CADM1: variants seen among roughly 807,000 people sequenced by gnomAD.
CADM1 encodes TSLC-1.
CADM1 carries 15 observed loss-of-function variants against 53.1 expected under a neutral mutation model. The observed-to-expected ratio is 0.28, with a 90% CI of 0.19 to 0.44. The LOEUF (loss-of-function observed/expected upper bound fraction) is 0.44, where lower values mean the gene tolerates loss of function less well. CADM1 is among the 20% of genes least tolerant of loss of function. The probability of loss-of-function intolerance (pLI) is 1.00; values close to 1 mark genes in which losing one functional copy is unlikely to be tolerated. For missense variants in CADM1, 434 were observed against 611.3 expected (o/e 0.71, Z 3.06); for synonymous variants, 281 against 243.0 (o/e 1.16, Z -1.45).
At chr11:115,337,512 A>G (rs1283899404) in intron 1 of CADM1, among the ~76,000 whole-genome samples, 3 of 151,990 alleles carry the variant, frequency 2.0e-5, no homozygotes, top group Non-Finnish European at 2.9e-5. Flanking sequence ...CCTGCCTTCT[A>G]TATTTCTATT....
chr11:115,504,201 C>A, intron 1 of CADM1, 70 bp downstream of exon 1: 1 of 1,549,630 alleles, frequency 6.5e-7, no homozygotes, highest in Non-Finnish European at 8.7e-7. Flanking sequence ...AACGTTTCCC[C>A]CCTCTGTGGC....
At chr11:115,325,287 C>G (rs1463743186) in intron 1 of CADM1, among the ~76,000 whole-genome samples, 2 of 152,100 alleles carry the variant, frequency 1.3e-5, no homozygotes, top group East Asian at 1.9e-4. Context: ...TCTAGGAGCA[C>G]GTCCCAGACG....
chr11:115,300,434 A>G (rs1181402997), intron 1 of CADM1, among the ~76,000 whole-genome samples: 1 of 152,174 alleles, frequency 6.6e-6, no homozygotes, highest in Admixed American at 6.5e-5. Flanking sequence ...CTGCCTTGAG[A>G]AAGATAAAAT....
intron 1 of CADM1, among the ~76,000 whole-genome samples, chr11:115,364,809 A>C (rs1465233043): frequency 1.3e-5 from 2 of 152,224 alleles, no homozygotes; most frequent in Non-Finnish European, 2.9e-5. Flanking sequence ...CACATACATA[A>C]TATATGTACA....
intron 1 of CADM1, among the ~76,000 whole-genome samples, chr11:115,376,405 A>G (rs1565395043): frequency 6.6e-6 from 1 of 152,134 alleles, no homozygotes; most frequent in East Asian, 1.9e-4. Flanking sequence ...TGATGAGAAA[A>G]TTTTTTAAGA....
chr11:115,356,631 T>G (rs547293988), intron 1 of CADM1, among the ~76,000 whole-genome samples: 26 of 152,316 alleles, frequency 1.7e-4, no homozygotes, highest in African/African-American at 6.0e-4. Context: ...ACATTTCAAG[T>G]ATTTGTTTAA....
At chr11:115,494,504 T>C (rs111228759) in intron 1 of CADM1, among the ~76,000 whole-genome samples, 379 of 152,258 alleles carry the variant, frequency 2.5e-3, no homozygotes, top group Non-Finnish European at 4.3e-3. Flanking sequence ...ATTATAATCA[T>C]TGTCAGTTTC....
chr11:115,369,083 G>C (rs1003964131), intron 1 of CADM1, among the ~76,000 whole-genome samples: 9 of 110,740 alleles, frequency 8.1e-5, no homozygotes, highest in African/African-American at 2.8e-4. Flanking sequence ...TTTGTTAGAT[G>C]AATCCTAAAA....
At chr11:115,441,842 C>T (rs1464353373) in intron 1 of CADM1, among the ~76,000 whole-genome samples, 3 of 151,982 alleles carry the variant, frequency 2.0e-5, no homozygotes, top group Non-Finnish European at 4.4e-5. Context: ...ATCCTAACAG[C>T]TATACCTATA....
At chr11:115,456,310 CA>C (rs145245879) in intron 1 of CADM1, among the ~76,000 whole-genome samples, 75 of 143,690 alleles carry the variant, frequency 5.2e-4, no homozygotes, top group East Asian at 4.0e-3. Flanking sequence ...GACACTGATA[CA>C]AAAAAAAAAC....
At chr11:115,456,614 A>G (rs1452713740) in intron 1 of CADM1, among the ~76,000 whole-genome samples, 5 of 152,162 alleles carry the variant, frequency 3.3e-5, no homozygotes, top group Non-Finnish European at 5.9e-5. Context: ...TTACAGTAGA[A>G]AGAGCACTGG....
intron 1 of CADM1, among the ~76,000 whole-genome samples, chr11:115,412,311 C>CA (rs1220610583): frequency 6.6e-6 from 1 of 152,158 alleles, no homozygotes; most frequent in East Asian, 1.9e-4. Flanking sequence ...CCTTCCACCT[C>CA]AACCTCCCAA....
intron 1 of CADM1, among the ~76,000 whole-genome samples, chr11:115,373,608 A>G (rs1946365882): frequency 9.8e-6 from 1 of 101,630 alleles, no homozygotes; most frequent in African/African-American, 3.0e-5. Flanking sequence ...AAAAAAAAAA[A>G]GAAGAAGAAG....
intron 5 of CADM1, among the ~76,000 whole-genome samples, chr11:115,228,021 C>A (rs1941677519): frequency 6.6e-6 from 1 of 152,174 alleles, no homozygotes; most frequent in Non-Finnish European, 1.5e-5. Flanking sequence ...AGCCCTACAT[C>A]CAATGACAAG....
rs531193814 is a variant in CADM1, at chr11:115,358,142, C to T, written c.125-117722G>A. Among the ~76,000 whole-genome samples, 5 of 152,272 alleles carry T rather than the reference C, an allele frequency of 3.3e-5. No homozygotes were observed. The South Asian group carries it at 1.0e-3, about 32-fold the overall frequency. ...TCATCACTTCTAAAAATTCCTGGTA[C>T]CCATCTGTCATCCTTCCTATAGCAG... On this transcript the variant is annotated intron_variant, in intron 1 of 11. Transcript: ENST00000331581.
intron 1 of CADM1, among the ~76,000 whole-genome samples, chr11:115,460,557 ATTGTT>A (rs973974738): frequency 6.6e-6 from 1 of 152,198 alleles, no homozygotes; most frequent in Non-Finnish European, 1.5e-5. Flanking sequence ...TGTCACCAGA[ATTGTT>A]TTAAGTGGCA....
chr11:115,400,933 T>C (rs1004735407), intron 1 of CADM1, among the ~76,000 whole-genome samples: 3 of 151,752 alleles, frequency 2.0e-5, no homozygotes, highest in Non-Finnish European at 2.9e-5. Context: ...GAAGACAGTT[T>C]GGCAGTTTCT....
chr11:115,321,879 CTTAA>C (rs2135189569), intron 1 of CADM1, among the ~76,000 whole-genome samples: 1 of 152,280 alleles, frequency 6.6e-6, no homozygotes, highest in East Asian at 1.9e-4. Flanking sequence ...TGTCTTACTG[CTTAA>C]TTAAACTAAA....
intron 1 of CADM1, among the ~76,000 whole-genome samples, chr11:115,411,659 AT>A (rs562847675): frequency 1.3e-5 from 2 of 151,298 alleles, no homozygotes; most frequent in African/African-American, 4.9e-5. Context: ...ATTCTATTTT[AT>A]TTTTTTTTAT....
Sources: gnomAD v4.1 joint callset for allele counts (sites outside exome capture counted in the v4.1 genomes callset) on GRCh38, gnomAD v4.1.1 for gene constraint, MANE v1.5 for transcripts, NCBI Gene and HGNC (gene_info 2026-07-23, HGNC 2026-07-21) for gene names.